USP34: variants seen among roughly 807,000 people sequenced by gnomAD.
USP34 encodes the protein ubiquitin specific peptidase 34, also known as ubiquitin carboxyl-terminal hydrolase 34.
USP34 carries 70 observed loss-of-function variants against 460.3 expected under a neutral mutation model. That is an observed-to-expected ratio of 0.15 (90% CI 0.13 to 0.19). The LOEUF (loss-of-function observed/expected upper bound fraction) is 0.19. Ranked by LOEUF, USP34 falls within the 10% of genes least tolerant of loss-of-function variation. The pLI is 1.00. For missense variants in USP34, 3,985 were observed against 4,236.2 expected, an observed-to-expected ratio of 0.94 and a Z score of 1.65; for synonymous variants, 1,647 against 1,405.3, an observed-to-expected ratio of 1.17 and a Z score of -3.85.
At chr2:61,360,939 T>A (rs146051610) in intron 10 of USP34, among the ~76,000 whole-genome samples, 1 of 152,142 alleles carries the variant, frequency 6.6e-6, no homozygotes, top group African/African-American at 2.4e-5. Context: ...CTGGGATTAA[T>A]AGGCGTGTGC....
chr2:61,412,606 A>C (rs1286874187), intron 2 of USP34, among the ~76,000 whole-genome samples: 1 of 152,080 alleles, frequency 6.6e-6, no homozygotes, highest in Non-Finnish European at 1.5e-5. Flanking sequence ...TGGAGAGAAA[A>C]GGCCTGGTGC....
intron 3 of USP34, 101 bp downstream of exon 3, chr2:61,405,607 T>G: frequency 9.0e-7 from 1 of 1,109,928 alleles, no homozygotes; most frequent in Non-Finnish European, 1.3e-6. Flanking sequence ...CAATAATGAT[T>G]TTCCGCCAGC....
intron 1 of USP34, among the ~76,000 whole-genome samples, chr2:61,445,604 G>C (rs2104041151): frequency 6.6e-6 from 1 of 150,902 alleles, no homozygotes; most frequent in Admixed American, 6.6e-5. Context: ...CAAAAAAGAA[G>C]AGCAACAGAA....
chr2:61,410,555 T>C (rs930019273), intron 2 of USP34, among the ~76,000 whole-genome samples: 3 of 152,134 alleles, frequency 2.0e-5, no homozygotes, highest in South Asian at 2.1e-4. Context: ...GCATCCATAA[T>C]GCAAGGCGGA....
chr2:61,453,468 G>C (rs1293555394), intron 1 of USP34, among the ~76,000 whole-genome samples: 1 of 151,780 alleles, frequency 6.6e-6, no homozygotes, highest in African/African-American at 2.4e-5. Flanking sequence ...CCAGCACTTT[G>C]GGAGGCCCAG....
At chr2:61,403,928 G>A (rs551515173) in intron 3 of USP34, among the ~76,000 whole-genome samples, 21 of 139,916 alleles carry the variant, frequency 1.5e-4, no homozygotes, top group South Asian at 1.2e-3. Context: ...GGGAGGCGGA[G>A]CTTGCAGTGA....
chr2:61,284,773 C>T, intron 35 of USP34, 102 bp downstream of exon 35: 2 of 842,666 alleles, frequency 2.4e-6, no homozygotes, highest in Non-Finnish European at 3.5e-6. Context: ...TCATAATATC[C>T]CCCAAATTTT....
intron 44 of USP34, among the ~76,000 whole-genome samples, chr2:61,257,786 A>T (rs957115343): frequency 7.9e-5 from 12 of 152,196 alleles, no homozygotes; most frequent in African/African-American, 2.9e-4. Flanking sequence ...GCATGCCTGT[A>T]GTCCCAGCTA....
intron 48 of USP34, among the ~76,000 whole-genome samples, chr2:61,251,955 T>C (rs1688595969): frequency 6.6e-6 from 1 of 151,774 alleles, no homozygotes. Flanking sequence ...AAATAAACAT[T>C]TTAATTTGTT....
intron 1 of USP34, among the ~76,000 whole-genome samples, chr2:61,441,162 C>CAA (rs1182833805): frequency 1.3e-5 from 2 of 148,194 alleles, no homozygotes; most frequent in African/African-American, 5.0e-5. Context: ...TTTTTGGACT[C>CAA]AGAGTCTTGC....
chr2:61,270,233 C>A (rs60269956), intron 41 of USP34, among the ~76,000 whole-genome samples: 1 of 152,128 alleles, frequency 6.6e-6, no homozygotes, highest in Non-Finnish European at 1.5e-5. Flanking sequence ...GTAGAGAGAC[C>A]TCCTACCCCT....
chr2:61,216,811 A>C (rs1013865403), intron 67 of USP34, among the ~76,000 whole-genome samples: 1 of 151,120 alleles, frequency 6.6e-6, no homozygotes, highest in South Asian at 2.1e-4. Context: ...CCAGCTACTC[A>C]GGAGGCTGAG....
At chr2:61,452,526 T>C (rs1418435416) in intron 1 of USP34, among the ~76,000 whole-genome samples, 1 of 151,812 alleles carries the variant, frequency 6.6e-6, no homozygotes, top group South Asian at 2.1e-4. Context: ...GGTTTCACCA[T>C]GTTGGTCAGG....
rs185704279 is a variant in USP34 at position 61,273,217 on chromosome 2, T to C, written c.5433+4948A>G. On this transcript the variant is annotated intron_variant, in intron 41 of 79. Transcript: ENST00000398571. Reference sequence around the variant, plus strand: ...TTCTAAATAAAAAACATAAAACGATTGGCTTTGCATAAATACAACAAATCA... The same window carrying C: ...TTCTAAATAAAAAACATAAAACGATCGGCTTTGCATAAATACAACAAATCA... Among the ~76,000 whole-genome samples, 422 of 152,342 alleles carry C rather than the reference T, an allele frequency of 2.8e-3. 1 individual carries two copies. The highest frequency in any genetic ancestry group is 9.5e-3 in the African/African-American group (393 of 41,574).
In USP34 at chr2:61,422,485, C is replaced by G. The variant is rs141652239; in HGVS notation, c.44-1652G>C. Among the ~76,000 whole-genome samples the G allele has an allele frequency of 1.7e-3, 253 of 152,292 alleles. 1 individual carries two copies. Among genetic ancestry groups the G allele is most frequent in the African/African-American group, 6.0e-3 (249 of 41,560 alleles). On this transcript the variant is annotated intron_variant, in intron 1 of 79. Coordinates refer to ENST00000398571, the MANE Select transcript of USP34 (RefSeq NM_014709.4). ...GAAAGGCAAGTGAAGGACATTTCAT[C>G]AGAGTAGAGTTCTCCAAACACACAG...
At position 61,350,023 on chromosome 2, in the gene USP34, A is replaced by G. The variant is rs1031715274; in HGVS notation, c.1507+237T>C. Among the ~76,000 whole-genome samples the G allele has an allele frequency of 1.5e-3, 221 of 152,198 alleles. 1 individual carries two copies. The highest frequency in any genetic ancestry group is 2.7e-3 in the Non-Finnish European group (181 of 68,036). ...ATCTCCAAAGCTTTTGTTTAAAAAAAAAAGATAACCAAAGCTGAGAAAATC... is the reference window on the plus strand; with the variant it reads ...ATCTCCAAAGCTTTTGTTTAAAAAAGAAAGATAACCAAAGCTGAGAAAATC... On this transcript the variant is annotated intron_variant, in intron 12 of 79. Coordinates refer to ENST00000398571, the MANE Select transcript of USP34 (RefSeq NM_014709.4).
At chr2:61,211,152 G>A (rs1280227073) in intron 69 of USP34, among the ~76,000 whole-genome samples, 2 of 151,994 alleles carry the variant, frequency 1.3e-5, no homozygotes, top group African/African-American at 4.8e-5. Flanking sequence ...ATATTACAGT[G>A]AAGTCTTCAG....
At chr2:61,380,720 A>T (rs959792607) in intron 6 of USP34, among the ~76,000 whole-genome samples, 7 of 152,214 alleles carry the variant, frequency 4.6e-5, no homozygotes, top group Non-Finnish European at 8.8e-5. Flanking sequence ...TTGGCCAATG[A>T]GATATTAATA....
Position 61,348,095 on chromosome 2 carries a change from T to C in USP34, c.2060A>G (p.Asn687Ser). The C allele has an allele frequency of 6.2e-7, 1 of 1,614,204 alleles. No homozygotes were observed. The highest frequency in any genetic ancestry group is 2.2e-5 in the East Asian group (1 of 44,882). The change falls in exon 15 of 80, where the codon AAT becomes AGT. Residue 687 changes from asparagine to serine, a missense_variant. Physicochemically the swap from Asn to Ser is conservative, Grantham distance 46. Transcript: ENST00000398571. ...ACAAGCATCCAGCATTCGCATTCGA[T>C]TATCTACTGATGGCAATGATTCAGT... Reference protein sequence around the residue: ...FNTESLPSVDNRMRMLDACSH... With the variant: ...FNTESLPSVDSRMRMLDACSH...
Sources: gnomAD v4.1 joint callset for allele counts (sites outside exome capture counted in the v4.1 genomes callset) on GRCh38, gnomAD v4.1.1 for gene constraint, MANE v1.5 for transcripts, NCBI Gene and HGNC (gene_info 2026-07-23, HGNC 2026-07-21) for gene names.